TC2N: variants seen among roughly 807,000 people sequenced by gnomAD.
The protein encoded by TC2N is tandem C2 domains, nuclear.
A neutral mutation model predicts 61.9 loss-of-function variants in TC2N; 51 were observed. That is an observed-to-expected ratio of 0.82 (90% CI 0.66 to 1.04). The LOEUF is 1.04. TC2N is among the 50% of genes least tolerant of loss of function. TC2N has a pLI of 0.00. For synonymous variants in TC2N, 204 were observed against 192.6 expected (o/e 1.06, Z -0.49); for missense variants, 556 against 566.7 (o/e 0.98, Z 0.19).
chr14:91,857,184 T>C (rs1293385335), intron 1 of TC2N, among the ~76,000 whole-genome samples: 2 of 152,186 alleles, frequency 1.3e-5, no homozygotes, highest in African/African-American at 4.8e-5. Flanking sequence ...TGGACTATAT[T>C]CTATACTTTT....
chr14:91,833,565 A>G (rs933869236), intron 1 of TC2N, among the ~76,000 whole-genome samples: 2 of 152,168 alleles, frequency 1.3e-5, no homozygotes, highest in Non-Finnish European at 2.9e-5. Context: ...AAATGAATAT[A>G]TCCATCATCC....
At chr14:91,824,317 T>G (rs919650776) in intron 1 of TC2N, among the ~76,000 whole-genome samples, 9 of 152,342 alleles carry the variant, frequency 5.9e-5, no homozygotes, top group African/African-American at 2.2e-4. Flanking sequence ...AAAATACTTT[T>G]AATATCACTT....
At chr14:91,841,455 T>C (rs776538415) in intron 1 of TC2N, among the ~76,000 whole-genome samples, 8 of 152,316 alleles carry the variant, frequency 5.3e-5, no homozygotes, top group Admixed American at 2.0e-4. Flanking sequence ...AAGGTGAAAG[T>C]GGAGCAGAGC....
At chr14:91,786,350 G>A (rs945403381) in intron 10 of TC2N, among the ~76,000 whole-genome samples, 1 of 152,104 alleles carries the variant, frequency 6.6e-6, no homozygotes, top group Non-Finnish European at 1.5e-5. Flanking sequence ...TTTTGTGTGT[G>A]CTATCCATTC....
rs1227813546 is a variant in TC2N, at chr14:91,781,077, TAAATC to T, written c.*2018_*2022del. 2 of 152,048 alleles carry T rather than the reference TAAATC, an allele frequency of 1.3e-5. No homozygotes were observed. The highest frequency in any genetic ancestry group is 2.9e-5 in the Non-Finnish European group (2 of 67,984). 9.4% of individuals were successfully genotyped at this position (152,048 alleles called of 1,614,324 possible). ...CATTGTAAGAATATAGAAAATTAAA[TAAATC>T]AAATAATTAAATATTAAGTTAAATG... On this transcript the variant is annotated 3_prime_UTR_variant, in exon 12 of 12. Transcript: ENST00000435962.
intron 1 of TC2N, among the ~76,000 whole-genome samples, chr14:91,833,019 C>T (rs1356833478): frequency 2.0e-5 from 3 of 152,082 alleles, no homozygotes; most frequent in African/African-American, 7.2e-5. Context: ...GTAGACTAAA[C>T]AACACAGTGT....
chr14:91,797,686 TA>T, intron 8 of TC2N, 98 bp downstream of exon 8: 1 of 795,868 alleles, frequency 1.3e-6, no homozygotes, highest in Non-Finnish European at 2.0e-6. Context: ...TTCCCTAAGA[TA>T]AAAGACTTTC....
intron 1 of TC2N, among the ~76,000 whole-genome samples, chr14:91,835,919 G>A (rs1195176031): frequency 6.6e-6 from 1 of 152,086 alleles, no homozygotes; most frequent in Non-Finnish European, 1.5e-5. Context: ...GGCCGTCCCC[G>A]CCTGGGCTGG....
At position 91,837,192 on chromosome 14, in the gene TC2N, A is replaced by G. The variant is rs1295858743; in HGVS notation, c.-56-23367T>C. Among the ~76,000 whole-genome samples the G allele has an allele frequency of 6.6e-6, 1 of 152,118 alleles. No homozygotes were observed. Among genetic ancestry groups the G allele is most frequent in the African/African-American group, 2.4e-5 (1 of 41,414 alleles). The stretch of plus-strand genomic sequence containing the variant: ...AACACTGCTTGGAAATGAGTTTCCT[A>G]GACTGTCTGATGAAGAATGGCTTAG... On this transcript the variant is annotated intron_variant, in intron 1 of 11. Coordinates refer to ENST00000435962, the MANE Select transcript of TC2N (RefSeq NM_001128596.3). This position sits in a 1 kb window ranked among gnomAD's most constrained non-coding sequence, Gnocchi z 4.2.
In TC2N at chr14:91,862,693, T is replaced by A. The variant is rs377255530; in HGVS notation, c.-57+4569A>T. On this transcript the variant is annotated intron_variant, in intron 1 of 11. Coordinates refer to ENST00000435962, the MANE Select transcript of TC2N (RefSeq NM_001128596.3). ...CGGCCTGCCCCATCCCTGCAGTCACTCCAAATGAGGCAGCCTGCTTCTTTT... is the reference window on the plus strand; with the variant it reads ...CGGCCTGCCCCATCCCTGCAGTCACACCAAATGAGGCAGCCTGCTTCTTTT... Among the ~76,000 whole-genome samples, 8 of 152,230 alleles carry A rather than the reference T, an allele frequency of 5.3e-5. No individual in the cohort carries two copies. In the East Asian group the frequency reaches 5.8e-4, roughly 11 times the overall value.
chr14:91,812,498 C>G lies in TC2N; in HGVS notation c.115G>C (p.Ala39Pro). The change falls in exon 3 of 12, where the codon GCT (alanine) becomes CCT (proline). Residue 39 changes from alanine to proline, a missense_variant. By Grantham distance (27) the Ala-to-Pro change is conservative (BLOSUM62 -1). Coordinates refer to ENST00000435962, the MANE Select transcript of TC2N (RefSeq NM_001128596.3). ...FKAAVPNSQNATISVPPLTSV... is the reference protein window; with the variant it reads ...FKAAVPNSQNPTISVPPLTSV... ...GTCAATGGAGGTACAGAGATAGTAG[C>G]ATTTTGACTATTTGGGACTGCTGCT... 1 of 1,607,096 alleles carries G rather than the reference C, an allele frequency of 6.2e-7. No individual in the cohort carries two copies. The highest frequency in any genetic ancestry group is 8.5e-7 in the Non-Finnish European group (1 of 1,175,282).
intron 8 of TC2N, among the ~76,000 whole-genome samples, chr14:91,794,668 G>A (rs377392907): frequency 1.3e-5 from 2 of 151,504 alleles, no homozygotes; most frequent in African/African-American, 4.8e-5. Context: ...AAAAAAAAAA[G>A]ATTCCTTTCA....
chr14:91,782,991 C>A lies in TC2N; in HGVS notation c.*109G>T. ...ACATTATATACCATAATTATAGCCCCCATAAATTGACAAATTTGTTGATTT... is the reference window on the plus strand; with the variant it reads ...ACATTATATACCATAATTATAGCCCACATAAATTGACAAATTTGTTGATTT... On this transcript the variant is annotated 3_prime_UTR_variant, in exon 12 of 12. Coordinates refer to ENST00000435962, the MANE Select transcript of TC2N (RefSeq NM_001128596.3). 1.5e-6 allele frequency: 1 copy of A among 686,896 alleles called. No individual in the cohort carries two copies. The allele number at this position is 686,896 out of a possible 1,614,324, so 42.6% of individuals were successfully genotyped here.
Position 91,785,340 on chromosome 14 carries a change from A to T in TC2N, c.1184T>A (p.Met395Lys). The change falls in exon 11 of 12, where the codon ATG becomes AAG. Residue 395 changes from methionine to lysine, a missense_variant. By Grantham distance (95) the Met-to-Lys change is moderately conservative. Coordinates refer to ENST00000435962, the MANE Select transcript of TC2N (RefSeq NM_001128596.3). ...LTLSFFVKVG[M>K]FSSGELIYKK... ...ATAAATCAACTCTCCCGAGCTAAACATTCCCACCTTCACGAAAAAACCTAA... is the reference window on the plus strand; with the variant it reads ...ATAAATCAACTCTCCCGAGCTAAACTTTCCCACCTTCACGAAAAAACCTAA... The T allele has an allele frequency of 6.2e-7, 1 of 1,612,142 alleles. No individual in the cohort carries two copies. The highest frequency in any genetic ancestry group is 8.5e-7 in the Non-Finnish European group (1 of 1,179,420).
chr14:91,851,098 GAAATA>G (rs1566789717), intron 1 of TC2N, among the ~76,000 whole-genome samples: 1 of 151,988 alleles, frequency 6.6e-6, no homozygotes, highest in Non-Finnish European at 1.5e-5. Flanking sequence ...AATAATAATA[GAAATA>G]AAGTGCACAA....
At chr14:91,827,003 T>G (rs1887529189) in intron 1 of TC2N, among the ~76,000 whole-genome samples, 1 of 152,208 alleles carries the variant, frequency 6.6e-6, no homozygotes, top group Non-Finnish European at 1.5e-5. Flanking sequence ...TTAGTTAAAG[T>G]GTTTTAGTCC....
At chr14:91,799,213 G>GA (rs35831554) in intron 5 of TC2N, 149 bp from the exon 6 acceptor site, 13,281 of 391,062 alleles carry the variant, frequency 0.034, 353 homozygotes, top group African/African-American at 0.14. Flanking sequence ...ACAGGTAGTG[G>GA]AAAAAAAAAA....
intron 1 of TC2N, among the ~76,000 whole-genome samples, chr14:91,822,713 T>C (rs1199755607): frequency 8.9e-6 from 1 of 112,138 alleles, no homozygotes; most frequent in Non-Finnish European, 1.9e-5. Flanking sequence ...ATACTCATTA[T>C]CTTTTTTTTT....
chr14:91,846,173 G>C (rs1373358747), intron 1 of TC2N, among the ~76,000 whole-genome samples: 1 of 152,136 alleles, frequency 6.6e-6, no homozygotes, highest in Non-Finnish European at 1.5e-5. Flanking sequence ...CCTGCATTAG[G>C]ATTGGATTTT....
Sources: allele counts gnomAD v4.1 joint callset (sites outside exome capture counted in the v4.1 genomes callset), GRCh38; gene constraint gnomAD v4.1.1; non-coding constraint Gnocchi (gnomAD v3.1); transcripts MANE v1.5; gene names NCBI Gene and HGNC (gene_info 2026-07-23, HGNC 2026-07-21).